Variants in HERC4 observed in about 807,000 individuals in gnomAD.
The protein encoded by HERC4 is HECT and RLD domain containing E3 ubiquitin protein ligase 4.
In HERC4, 28 loss-of-function variants were observed where a neutral mutation model predicts 124.3. That is an observed-to-expected ratio of 0.23 (90% confidence interval 0.17 to 0.31). The LOEUF (loss-of-function observed/expected upper bound fraction) is 0.31. Among genes scored for constraint, HERC4 ranks in the 10% least tolerant of loss-of-function variants. The pLI is 1.00. For synonymous variants in HERC4, 407 were observed against 421.5 expected, an observed-to-expected ratio of 0.97 and a Z score of 0.42; for missense variants, 713 against 1,229.3, an observed-to-expected ratio of 0.58 and a Z score of 6.28.
chr10:68,027,976 T>C (rs2038990590), intron 7 of HERC4, among the ~76,000 whole-genome samples: 1 of 143,912 alleles, frequency 6.9e-6, no homozygotes, highest in Non-Finnish European at 1.5e-5. Flanking sequence ...TATATATATT[T>C]ATTATATTTT....
chr10:67,954,562 C>T, intron 19 of HERC4, 33 bp downstream of exon 19: 1 of 1,594,372 alleles, frequency 6.3e-7, no homozygotes, highest in Non-Finnish European at 8.6e-7. Flanking sequence ...TGGGTATATA[C>T]ACAGAAGTAA....
chr10:68,040,884 G>A (rs1235427366), intron 4 of HERC4, among the ~76,000 whole-genome samples: 4 of 137,730 alleles, frequency 2.9e-5, no homozygotes, highest in Non-Finnish European at 4.6e-5. Context: ...GTGAAATTCC[G>A]TCTCAAAAAA....
intron 15 of HERC4, among the ~76,000 whole-genome samples, chr10:67,976,407 A>G (rs1416276372): frequency 6.6e-6 from 1 of 152,168 alleles, no homozygotes; most frequent in East Asian, 1.9e-4. Flanking sequence ...CATCCCACTG[A>G]CCTCTGATAT....
intron 8 of HERC4, among the ~76,000 whole-genome samples, chr10:68,019,778 A>AGG (rs2038497421): frequency 6.6e-6 from 1 of 152,196 alleles, no homozygotes; most frequent in East Asian, 1.9e-4. Flanking sequence ...CCTGTATGCA[A>AGG]CTTGTAGAAG....
chr10:67,953,352 CTT>C (rs1225838327), intron 19 of HERC4, among the ~76,000 whole-genome samples: 2 of 152,086 alleles, frequency 1.3e-5, no homozygotes, highest in African/African-American at 4.8e-5. Context: ...AGGGTATACT[CTT>C]TGTACAAAAA....
At chr10:68,053,907 T>C (rs2040430909) in intron 3 of HERC4, among the ~76,000 whole-genome samples, 1 of 152,200 alleles carries the variant, frequency 6.6e-6, no homozygotes, top group African/African-American at 2.4e-5. Context: ...GAGCGACAAG[T>C]ATATCCACAC....
rs563378582 is a variant in HERC4 at position 67,932,828 on chromosome 10, A to C, written c.2655-48T>G. ...GTACAGATTATAAAAATCATGTATG[A>C]AGAATCCATAATGTAGTCATTAAAA... On this transcript the variant is annotated intron_variant, in intron 22 of 24. Transcript: ENST00000373700. 3.4e-6 allele frequency: 5 copies of C among 1,483,836 alleles called. No individual in the cohort carries two copies. In the East Asian group the frequency reaches 1.2e-4, roughly 36 times the overall value. The allele number at this position is 1,483,836 out of a possible 1,614,324, so 91.9% of individuals were successfully genotyped here. A position where few individuals can be genotyped will look rare whatever the true frequency, so the allele number is the denominator to read the frequency against.
intron 16 of HERC4, chr10:67,960,673 G>A (rs1314861244): frequency 2.4e-5 from 4 of 163,292 alleles, no homozygotes; most frequent in Non-Finnish European, 5.2e-5. Context: ...GTCAGCCACC[G>A]CACCCAGCCA....
At chr10:68,073,218 C>A in intron 2 of HERC4, 32 bp from the exon 3 acceptor site, 1 of 759,154 alleles carries the variant, frequency 1.3e-6, no homozygotes, top group Non-Finnish European at 2.1e-6. Context: ...AATATGACTT[C>A]AAAGAAAAAA....
At chr10:67,941,701 TAA>T (rs2032918326) in intron 19 of HERC4, among the ~76,000 whole-genome samples, 1 of 127,548 alleles carries the variant, frequency 7.8e-6, no homozygotes, top group African/African-American at 3.0e-5. Flanking sequence ...TTTTTTGAGA[TAA>T]AGTCTCCCTC....
chr10:68,069,159 TAAAGA>T (rs2041446922), intron 3 of HERC4: 1 of 967,962 alleles, frequency 1.0e-6, no homozygotes, highest in African/African-American at 1.8e-5. Flanking sequence ...AAGGATCTTG[TAAAGA>T]AAAGTATACT....
intron 3 of HERC4, among the ~76,000 whole-genome samples, chr10:68,061,879 TAAAAAAAAAAA>T (rs71470503): frequency 5.5e-4 from 30 of 54,884 alleles, no homozygotes; most frequent in African/African-American, 1.6e-3. Context: ...AGACTCCATT[TAAAAAAAAAAA>T]AAAAAAAAAA....
chr10:68,032,084 G>T (rs1402775311), intron 7 of HERC4, among the ~76,000 whole-genome samples: 1 of 152,096 alleles, frequency 6.6e-6, no homozygotes, highest in Non-Finnish European at 1.5e-5. Context: ...TATATACTAT[G>T]TAAGACCAAA....
At chr10:68,003,987 C>T (rs2037390807) in intron 9 of HERC4, among the ~76,000 whole-genome samples, 1 of 152,074 alleles carries the variant, frequency 6.6e-6, no homozygotes, top group Non-Finnish European at 1.5e-5. Context: ...CAAGCGTTCC[C>T]TTTTCTCCAT....
At chr10:67,945,344 A>G (rs2033243471) in intron 19 of HERC4, among the ~76,000 whole-genome samples, 1 of 152,220 alleles carries the variant, frequency 6.6e-6, no homozygotes, top group Admixed American at 6.5e-5. Context: ...AATAGTATGT[A>G]TATCCAGTGA....
chr10:67,936,302 T>G, intron 21 of HERC4, 67 bp from the exon 22 acceptor site: 1 of 856,556 alleles, frequency 1.2e-6, no homozygotes, highest in Non-Finnish European at 1.8e-6. Flanking sequence ...TATTATTATA[T>G]TCTACCTTTC....
chr10:68,060,130 T>C (rs764729181), intron 3 of HERC4, among the ~76,000 whole-genome samples: 5 of 151,016 alleles, frequency 3.3e-5, no homozygotes, highest in Non-Finnish European at 7.4e-5. Context: ...TTTTGGATAA[T>C]GAATAAAGGA....
At chr10:68,063,607 C>T (rs1041093993) in intron 3 of HERC4, among the ~76,000 whole-genome samples, 2 of 152,188 alleles carry the variant, frequency 1.3e-5, no homozygotes, top group African/African-American at 4.8e-5. Context: ...TCAGTTCTCA[C>T]TCCTTAAAAT....
chr10:67,980,294 T>C (rs982892205), intron 15 of HERC4, among the ~76,000 whole-genome samples: 1 of 152,026 alleles, frequency 6.6e-6, no homozygotes, highest in South Asian at 2.1e-4. Flanking sequence ...CCACCATGCC[T>C]GGCTAATTTT....
Sources: gnomAD v4.1 joint callset for allele counts (sites outside exome capture counted in the v4.1 genomes callset) on GRCh38, gnomAD v4.1.1 for gene constraint, MANE v1.5 for transcripts, NCBI Gene and HGNC (gene_info 2026-07-23, HGNC 2026-07-21) for gene names.